XPOT: variants seen among roughly 807,000 people sequenced by gnomAD.
XPOT encodes exportin-T.
In XPOT, 34 loss-of-function variants were observed where a neutral mutation model predicts 128.2. That is an observed-to-expected ratio of 0.27 (90% confidence interval 0.20 to 0.35). The LOEUF (loss-of-function observed/expected upper bound fraction) is 0.35, where lower values mean the gene tolerates loss of function less well. XPOT is among the 10% of genes least tolerant of loss of function. XPOT has a pLI of 1.00. For synonymous variants in XPOT, 348 were observed against 394.3 expected (o/e 0.88, Z 1.39); for missense variants, 838 against 1,125.3 (o/e 0.74, Z 3.65).
At chr12:64,421,210 A>G (rs2040135517) in intron 8 of XPOT, 25 bp from the exon 9 acceptor site, 1 of 1,563,544 alleles carries the variant, frequency 6.4e-7, no homozygotes, top group African/African-American at 1.4e-5. Context: ...AGTTTTAAAC[A>G]GAGATGTGTC....
Position 64,425,162 on chromosome 12 carries a change from T to C in XPOT, c.1432T>C (p.Leu478=), listed in dbSNP as rs762903643. 2.5e-6 allele frequency: 4 copies of C among 1,614,088 alleles called. No individual in the cohort carries two copies. The Admixed American group carries it at 5.0e-5, about 20-fold the overall frequency. The change falls in exon 13 of 25, where the codon TTG becomes CTG. Residue 478 remains leucine, a synonymous_variant. Transcript: ENST00000332707. ...FSGDVSKASA[L]QDMMRTLVTS... ...AGGTGATGTTTCAAAAGCTAGTGCTTTGCAGGATATGATGCGAACTGTAAG... is the reference window on the plus strand; with the variant it reads ...AGGTGATGTTTCAAAAGCTAGTGCTCTGCAGGATATGATGCGAACTGTAAG...
At chr12:64,446,702 G>C (rs907898960) in intron 24 of XPOT, among the ~76,000 whole-genome samples, 1 of 150,312 alleles carries the variant, frequency 6.7e-6, no homozygotes, top group African/African-American at 2.5e-5. Context: ...TGTTCTTGTA[G>C]TTCTTCAAAA....
At chr12:64,413,949 T>C (rs1320310930) in intron 2 of XPOT, among the ~76,000 whole-genome samples, 1 of 152,238 alleles carries the variant, frequency 6.6e-6, no homozygotes, top group Non-Finnish European at 1.5e-5. Flanking sequence ...CCAATTGAAA[T>C]TAGGTTTCTC....
At position 64,433,565 on chromosome 12, in the gene XPOT, T is replaced by C; in HGVS notation, c.2414T>C (p.Val805Ala). 1 of 1,611,078 alleles carries C rather than the reference T, an allele frequency of 6.2e-7. No individual in the cohort carries two copies. Among genetic ancestry groups the C allele is most frequent in the Non-Finnish European group, 8.5e-7 (1 of 1,178,264 alleles). Reference protein sequence around the residue: ...RRSYFAFLQTVTGSGMSEVIA... With the variant: ...RRSYFAFLQTATGSGMSEVIA... Reference sequence around the variant, plus strand: ...AGTTACTTTGCTTTCCTGCAAACAGTCACAGGCAGTGGGATGAGCGAAGTT... The same window carrying C: ...AGTTACTTTGCTTTCCTGCAAACAGCCACAGGCAGTGGGATGAGCGAAGTT... The change falls in exon 19 of 25, where the codon GTC (valine) becomes GCC (alanine). Residue 805 changes from valine (V) to alanine (A), a missense_variant. Coordinates refer to ENST00000332707, the MANE Select transcript of XPOT (RefSeq NM_007235.6).
At chr12:64,422,241 C>G (rs944444445) in intron 9 of XPOT, among the ~76,000 whole-genome samples, 3 of 152,206 alleles carry the variant, frequency 2.0e-5, no homozygotes, top group African/African-American at 7.2e-5. Flanking sequence ...AAAGCCATTT[C>G]TGTATATTTA....
intron 6 of XPOT, among the ~76,000 whole-genome samples, chr12:64,419,488 T>C (rs996872470): frequency 2.0e-5 from 3 of 152,134 alleles, no homozygotes; most frequent in African/African-American, 7.2e-5. Context: ...TGGCTAATTT[T>C]TGTATTTTTT....
intron 16 of XPOT, 106 bp from the exon 17 acceptor site, chr12:64,429,943 T>A: frequency 9.8e-7 from 1 of 1,022,768 alleles, no homozygotes; most frequent in Non-Finnish European, 1.4e-6. Flanking sequence ...ATTTGACATA[T>A]GAGTTGGTGT....
rs1042632545 is a variant in XPOT, at chr12:64,450,027, A to G, written c.*1896A>G. 16 of 152,184 alleles carry G rather than the reference A, an allele frequency of 1.1e-4. No homozygotes were observed. Among genetic ancestry groups the G allele is most frequent in the Admixed American group, 9.8e-4 (15 of 15,290 alleles). The allele number at this position is 152,184 out of a possible 1,614,324, so 9.4% of individuals were successfully genotyped here. Reference sequence around the variant, plus strand: ...AATAATGGTAGCTACCTCAAACCTCATTACGAATTCAATGAGTTAAACTTG... The same window carrying G: ...AATAATGGTAGCTACCTCAAACCTCGTTACGAATTCAATGAGTTAAACTTG... On this transcript the variant is annotated 3_prime_UTR_variant, in exon 25 of 25. Transcript: ENST00000332707.
intron 15 of XPOT, among the ~76,000 whole-genome samples, chr12:64,426,997 G>A (rs1289069181): frequency 6.6e-6 from 1 of 151,492 alleles, no homozygotes; most frequent in Non-Finnish European, 1.5e-5. Context: ...AAAATAAAAT[G>A]AAGATGGAAA....
Position 64,421,449 on chromosome 12 carries a change from AT to A in XPOT, c.1060del (p.Tyr354IlefsTer5). 1 of 1,611,742 alleles carries A rather than the reference AT, an allele frequency of 6.2e-7. No homozygotes were observed. The highest frequency in any genetic ancestry group is 8.5e-7 in the Non-Finnish European group (1 of 1,177,922). ...TCTAATATTATTGGATTTTGTTACG[AT>A]TATCTTCATATTTTGAAACAGGTAA... The part of the protein sequence containing the change: ...ISSNIIGFCY[D>X]YLHILKQLTV... On this transcript the variant is annotated frameshift_variant, in exon 9 of 25. Transcript: ENST00000332707. LOFTEE classifies it high-confidence loss of function.
intron 4 of XPOT, among the ~76,000 whole-genome samples, chr12:64,417,270 G>A (rs982328114): frequency 3.9e-5 from 6 of 152,184 alleles, no homozygotes; most frequent in African/African-American, 7.2e-5. Context: ...AAGGCTGGGC[G>A]CAGTGGCTCA....
At chr12:64,407,648 C>G (rs186389618) in intron 1 of XPOT, among the ~76,000 whole-genome samples, 187 of 152,218 alleles carry the variant, frequency 1.2e-3, no homozygotes, top group African/African-American at 4.2e-3. Context: ...CAAAGGACAG[C>G]AGGGGTTAAC....
Position 64,409,975 on chromosome 12 carries a change from C to G in XPOT, c.-61C>G. 7.1e-7 allele frequency: 1 copy of G among 1,407,672 alleles called. No homozygotes were observed. The highest frequency in any genetic ancestry group is 1.0e-6 in the Non-Finnish European group (1 of 1,001,218). The allele number at this position is 1,407,672 out of a possible 1,614,324, so 87.2% of individuals were successfully genotyped here. On this transcript the variant is annotated 5_prime_UTR_variant, in exon 2 of 25. Coordinates refer to ENST00000332707, the MANE Select transcript of XPOT (RefSeq NM_007235.6). ...TTTTTGTGGCAGATGTTTATAAATT[C>G]TTCTGTGGGATCAGAGGGCACGCCT...
rs139649445 is a variant in XPOT at position 64,416,848 on chromosome 12, G to A, written c.200+94G>A. ...CTTCCATAAGGAAACCATAATACAG[G>A]TTGTAAATTCACAGTGTATATGTTA... On this transcript the variant is annotated intron_variant, in intron 4 of 24. Transcript: ENST00000332707. 23 of 1,118,986 alleles carry A rather than the reference G, an allele frequency of 2.1e-5. No individual in the cohort carries two copies. In the African/African-American group the frequency reaches 3.6e-4, roughly 18 times the overall value. The allele number at this position is 1,118,986 out of a possible 1,614,324, so 69.3% of individuals were successfully genotyped here.
At position 64,441,682 on chromosome 12, in the gene XPOT, A is replaced by T. The variant is rs563758322; in HGVS notation, c.2805+2367A>T. Among the ~76,000 whole-genome samples, 18 of 151,914 alleles carry T rather than the reference A, an allele frequency of 1.2e-4. No homozygotes were observed. In the East Asian group the frequency reaches 2.9e-3, roughly 24 times the overall value. ...ATTAAGAAGCTTTTTAAAATTTTTTAAATTTATTTTTATTTTTTTTGAGAT... is the reference window on the plus strand; with the variant it reads ...ATTAAGAAGCTTTTTAAAATTTTTTTAATTTATTTTTATTTTTTTTGAGAT... On this transcript the variant is annotated intron_variant, in intron 23 of 24. Transcript: ENST00000332707.
chr12:64,440,023 TATTA>T (rs1392591701), intron 23 of XPOT, among the ~76,000 whole-genome samples: 1 of 152,246 alleles, frequency 6.6e-6, no homozygotes, highest in Non-Finnish European at 1.5e-5. Flanking sequence ...AACACAGTAT[TATTA>T]ATTATAGGGA....
chr12:64,404,936 T>C (rs1423953310), intron 1 of XPOT, 132 bp downstream of exon 1: 1 of 150,792 alleles, frequency 6.6e-6, no homozygotes, highest in Non-Finnish European at 1.5e-5. Context: ...GGACCCTCTA[T>C]GGCGGTGCAC....
At position 64,421,302 on chromosome 12, in the gene XPOT, T is replaced by A. The variant is rs775136766; in HGVS notation, c.911T>A (p.Val304Asp). The A allele has an allele frequency of 2.6e-5, 42 of 1,613,866 alleles. No individual in the cohort carries two copies. Among genetic ancestry groups the A allele is most frequent in the Non-Finnish European group, 3.5e-5 (41 of 1,179,924 alleles). The change falls in exon 9 of 25, where the codon GTT becomes GAT. Residue 304 changes from valine to aspartate, a missense_variant. Physicochemically the swap from Val to Asp is radical, Grantham distance 152. Transcript: ENST00000332707. Reference sequence around the variant, plus strand: ...AATGGAATGGGACAGTCATTGATAGTTAGTTGGAGTAAATTAATTAAGAAT... The same window carrying A: ...AATGGAATGGGACAGTCATTGATAGATAGTTGGAGTAAATTAATTAAGAAT... ...LVNGMGQSLI[V>D]SWSKLIKNGD...
intron 21 of XPOT, 127 bp from the exon 22 acceptor site, chr12:64,435,499 TG>T: frequency 1.4e-6 from 1 of 709,258 alleles, no homozygotes. Flanking sequence ...ATCCCTTCTC[TG>T]GAGTTAAATA....
Sources: gnomAD v4.1 joint callset for allele counts (sites outside exome capture counted in the v4.1 genomes callset) on GRCh38, gnomAD v4.1.1 for gene constraint, MANE v1.5 for transcripts, NCBI Gene and HGNC (gene_info 2026-07-23, HGNC 2026-07-21) for gene names.